Variants in NMRK2 observed in about 807,000 individuals in gnomAD.
NMRK2 encodes the protein nicotinamide riboside kinase 2, also known as NRK 2.
A neutral mutation model predicts 24.7 loss-of-function variants in NMRK2; 34 were observed. The observed-to-expected ratio is 1.37, with a 90% CI of 1.05 to 1.83. The LOEUF (loss-of-function observed/expected upper bound fraction) is 1.83, where lower values mean the gene tolerates loss of function less well. NMRK2 is among the 40% of genes most tolerant of loss of function. The pLI is 0.00. For missense variants in NMRK2, 341 were observed against 315.0 expected (o/e 1.08, Z -0.62); for synonymous variants, 145 against 125.6 (o/e 1.15, Z -1.03).
intron 2 of NMRK2, among the ~76,000 whole-genome samples, chr19:3,936,173 T>C (rs1300547672): frequency 2.0e-5 from 3 of 148,544 alleles, no homozygotes; most frequent in Non-Finnish European, 4.5e-5. Context: ...ATTGCGCCAT[T>C]GTACTCCAGC....
intron 3 of NMRK2, 67 bp downstream of exon 3, chr19:3,936,732 G>A: frequency 1.5e-6 from 2 of 1,360,262 alleles, no homozygotes. Flanking sequence ...GGCCCGGCCA[G>A]CCCCGCCCTC....
chr19:3,940,902 G>A (rs2039319800), intron 6 of NMRK2, among the ~76,000 whole-genome samples, 169 bp from the exon 7 acceptor site: 1 of 152,284 alleles, frequency 6.6e-6, no homozygotes, highest in East Asian at 1.9e-4. Flanking sequence ...CGGACCCACA[G>A]GGTGAACATG....
chr19:3,937,276 A>C lies in NMRK2; in HGVS notation c.154A>C (p.Lys52Gln). The change falls in exon 4 of 8, where the codon AAA becomes CAA. Residue 52 changes from lysine (K) to glutamine (Q), a missense_variant. Coordinates refer to ENST00000168977, the MANE Select transcript of NMRK2 (RefSeq NM_170678.3). ...AATAGCAGTTGGGGAAGACGGCTTC[A>C]AACAGTGGGACGGTAAGGACAAGCA... ...DQIAVGEDGF[K>Q]QWDVLESLDM... is the part of the protein sequence containing the mutation. 1 of 1,613,236 alleles carries C rather than the reference A, an allele frequency of 6.2e-7. No individual in the cohort carries two copies. Among genetic ancestry groups the C allele is most frequent in the Non-Finnish European group, 8.5e-7 (1 of 1,179,510 alleles).
intron 3 of NMRK2, 85 bp downstream of exon 3, chr19:3,936,750 C>T (rs2039221661): frequency 8.6e-7 from 1 of 1,163,918 alleles, no homozygotes; most frequent in East Asian, 2.6e-5. Flanking sequence ...CTCCACTGCC[C>T]AGTGCCCGTG....
chr19:3,942,263 A>G lies in NMRK2; in HGVS notation c.683A>G (p.Asp228Gly). ...RTARPAASQQ[D>G]SM ...GCCAGGCCTGCAGCGTCCCAGCAGG[A>G]CAGCATGTGAGCGTTTCCCTATGGG... Residue 228 changes from aspartate to glycine, a missense_variant, in exon 8 of 8, where the codon GAC becomes GGC. Physicochemically the swap from Asp to Gly is moderately conservative, Grantham distance 94. Transcript: ENST00000168977. 1 of 1,608,068 alleles carries G rather than the reference A, an allele frequency of 6.2e-7. No homozygotes were observed. Among genetic ancestry groups the G allele is most frequent in the Non-Finnish European group, 8.5e-7 (1 of 1,177,988 alleles).
In NMRK2 at chr19:3,939,941, TC is replaced by T. The variant is rs759141138; in HGVS notation, c.368del (p.Pro123ArgfsTer51). On this transcript the variant is annotated frameshift_variant, in exon 6 of 8. Transcript: ENST00000168977. LOFTEE classifies it high-confidence loss of function. ...TACAGCCGCCGGTACTTCCTGACCG[TC>T]CCGTATGAAGAGTGCAAGTGGAGGA... The part of the protein sequence containing the change: ...DLYSRRYFLT[V>X]PYEECKWRRS... 16 of 1,612,064 alleles carry T rather than the reference TC, an allele frequency of 9.9e-6. No homozygotes were observed. The highest frequency in any genetic ancestry group is 1.4e-5 in the Non-Finnish European group (16 of 1,178,512).
rs956357556 is a variant in NMRK2, at chr19:3,935,396, T to C, written c.27-1179T>C. 6.6e-5 allele frequency among the ~76,000 whole-genome samples: 10 copies of C among 151,398 alleles called. No homozygotes were observed. The Admixed American group carries it at 6.6e-4, about 10-fold the overall frequency. On this transcript the variant is annotated intron_variant, in intron 2 of 7. Coordinates refer to ENST00000168977, the MANE Select transcript of NMRK2 (RefSeq NM_170678.3). The stretch of plus-strand genomic sequence containing the variant: ...TCAGCCTCCCTAGTAGCTTGGATTA[T>C]AGGCACCCACCACTACGCCCAGCTA...
intron 4 of NMRK2, 61 bp from the exon 5 acceptor site, chr19:3,938,542 G>A (rs377346013): frequency 2.5e-5 from 36 of 1,432,842 alleles, no homozygotes; most frequent in Middle Eastern, 3.8e-4. Context: ...TGCAATGCCC[G>A]CTCCCCGTCC....
chr19:3,939,789 C>A, intron 5 of NMRK2, 111 bp from the exon 6 acceptor site: 1 of 883,006 alleles, frequency 1.1e-6, no homozygotes, highest in Non-Finnish European at 1.8e-6. Context: ...TGGCCCAGAC[C>A]ACCCCATGTG....
chr19:3,942,332 C>T lies in NMRK2; in HGVS notation c.*59C>T, dbSNP rs757316996. 17 of 1,484,754 alleles carry T rather than the reference C, an allele frequency of 1.1e-5. No homozygotes were observed. The highest frequency in any genetic ancestry group is 2.3e-4 in the Middle Eastern group (1 of 4,352). 92.0% of individuals were successfully genotyped at this position (1,484,754 alleles called of 1,614,324 possible). On this transcript the variant is annotated 3_prime_UTR_variant, in exon 8 of 8. Coordinates refer to ENST00000168977, the MANE Select transcript of NMRK2 (RefSeq NM_170678.3). Reference sequence around the variant, plus strand: ...AGTGGAGGCCCCACTCCCAGTTGGGCGTCCCGGAGCTCAGGGACTGAGCCC... The same window carrying T: ...AGTGGAGGCCCCACTCCCAGTTGGGTGTCCCGGAGCTCAGGGACTGAGCCC...
chr19:3,941,102 G>C lies in NMRK2; in HGVS notation c.427G>C (p.Gly143Arg). The C allele has an allele frequency of 6.2e-7, 1 of 1,613,788 alleles. No individual in the cohort carries two copies. The highest frequency in any genetic ancestry group is 8.5e-7 in the Non-Finnish European group (1 of 1,179,796). Residue 143 changes from glycine (G) to arginine (R), a missense_variant, in exon 7 of 8, where the codon GGC becomes CGC. Coordinates refer to ENST00000168977, the MANE Select transcript of NMRK2 (RefSeq NM_170678.3). ...TRNYTVPDPP[G>R]LFDGHVWPMY... Reference sequence around the variant, plus strand: ...CAACTACACAGTCCCTGATCCCCCCGGCCTCTTCGATGGCCACGTGTGGCC... The same window carrying C: ...CAACTACACAGTCCCTGATCCCCCCCGCCTCTTCGATGGCCACGTGTGGCC...
rs1317518681 is a variant in NMRK2, at chr19:3,936,629, C to G, written c.81C>G (p.Pro27=). The change falls in exon 3 of 8, where the codon CCC becomes CCG. Residue 27 remains proline, a synonymous_variant. Coordinates refer to ENST00000168977, the MANE Select transcript of NMRK2 (RefSeq NM_170678.3). ...CCAACAGCCTGCTCAGAGCCCTGCC[C>G]AACTGCTGCGTGATCCATCAGGATG... ...TLTNSLLRAL[P]NCCVIHQDDF... The G allele has an allele frequency of 6.4e-7, 1 of 1,574,558 alleles. No homozygotes were observed.
intron 5 of NMRK2, 83 bp downstream of exon 5, chr19:3,938,842 T>TGTG (rs1443193614): frequency 6.0e-5 from 20 of 334,364 alleles, no homozygotes; most frequent in East Asian, 1.4e-4. Context: ...TTTTTTTTTT[T>TGTG]TGTTTTGTTT....
chr19:3,936,804 G>T, intron 3 of NMRK2, 139 bp downstream of exon 3: 1 of 670,948 alleles, frequency 1.5e-6, no homozygotes, highest in Non-Finnish European at 2.5e-6. Flanking sequence ...CCCTCCTGGG[G>T]TCTCTGGGAT....
chr19:3,942,130 C>CT lies in NMRK2; in HGVS notation c.551dup (p.Glu185GlyfsTer74), dbSNP rs773924875. The stretch of plus-strand genomic sequence containing the variant: ...CCGAGAGGAGCTCTTCCGTGAAGTC[C>CT]TGGAAGACATTCAGAACTCGCTGCT... On this transcript the variant is annotated frameshift_variant, in exon 8 of 8. Coordinates refer to ENST00000168977, the MANE Select transcript of NMRK2 (RefSeq NM_170678.3). LOFTEE classifies it low-confidence loss of function (END_TRUNC). 1.9e-6 allele frequency: 3 copies of CT among 1,613,230 alleles called. No homozygotes were observed. Among genetic ancestry groups the CT allele is most frequent in the African/African-American group, 2.7e-5 (2 of 74,954 alleles).
rs2304190 is a variant in NMRK2 at position 3,933,171 on chromosome 19, G to A, written c.-222G>A. 1.6e-3 allele frequency: 242 copies of A among 154,298 alleles called. No homozygotes were observed. The highest frequency in any genetic ancestry group is 4.4e-3 in the East Asian group (23 of 5,224). 9.6% of individuals were successfully genotyped at this position (154,298 alleles called of 1,614,324 possible). On this transcript the variant is annotated 5_prime_UTR_variant, in exon 1 of 8. Transcript: ENST00000168977. The stretch of plus-strand genomic sequence containing the variant: ...CGGCCTCTAGGGCTGCTGTGCGGGC[G>A]GGGGTGGGTGAGTTCGCTTCCTTGA...
At chr19:3,938,847 T>TGTG in intron 5 of NMRK2, 88 bp downstream of exon 5, 5 of 348,118 alleles carry the variant, frequency 1.4e-5, no homozygotes, top group Non-Finnish European at 1.6e-5. Flanking sequence ...TTTTTTTGTT[T>TGTG]TGTTTTTTTT....
In NMRK2 at chr19:3,936,605, C is replaced by G; in HGVS notation, c.57C>G (p.Thr19=). 3 of 1,570,950 alleles carry G rather than the reference C, an allele frequency of 1.9e-6. No homozygotes were observed. Among genetic ancestry groups the G allele is most frequent in the Non-Finnish European group, 2.6e-6 (3 of 1,158,988 alleles). Residue 19 remains threonine (T), a synonymous_variant, in exon 3 of 8, where the codon ACC becomes ACG. Coordinates refer to ENST00000168977, the MANE Select transcript of NMRK2 (RefSeq NM_170678.3). The part of the protein sequence containing the change: ...GMTNGGKTTL[T]NSLLRALPNC... ...CCAACGGCGGCAAGACCACGCTGAC[C>G]AACAGCCTGCTCAGAGCCCTGCCCA...
intron 2 of NMRK2, 56 bp downstream of exon 2, chr19:3,933,753 C>T: frequency 1.5e-6 from 2 of 1,367,226 alleles, no homozygotes; most frequent in Non-Finnish European, 1.9e-6. Context: ...CCTGTGCGCG[C>T]AGAGGGGGAG....
Sources: gnomAD v4.1 joint callset for allele counts (sites outside exome capture counted in the v4.1 genomes callset) on GRCh38, gnomAD v4.1.1 for gene constraint, MANE v1.5 for transcripts, NCBI Gene and HGNC (gene_info 2026-07-23, HGNC 2026-07-21) for gene names.